Variants in SUGCT observed in about 807,000 individuals in gnomAD.
SUGCT encodes the protein succinyl-CoA:glutarate-CoA transferase, also known as succinyl-CoA:glutarate CoA-transferase.
SUGCT carries 41 observed loss-of-function variants against 55.0 expected under a neutral mutation model. The ratio of observed to expected loss-of-function variants is 0.74; its 90% CI spans 0.58 to 0.97. SUGCT has a LOEUF of 0.97. Among genes scored for constraint, SUGCT ranks in the 50% least tolerant of loss-of-function variants. The pLI is 0.00. For missense variants in SUGCT, 568 were observed against 547.8 expected, an observed-to-expected ratio of 1.04 and a Z score of -0.37; for synonymous variants, 187 against 200.4, an observed-to-expected ratio of 0.93 and a Z score of 0.56.
intron 12 of SUGCT, among the ~76,000 whole-genome samples, chr7:40,510,037 T>C (rs921610477): frequency 6.6e-5 from 10 of 152,154 alleles, no homozygotes; most frequent in African/African-American, 2.4e-4. Context: ...AGTTTAGATA[T>C]TTTGTAAGTA....
chr7:40,670,927 C>G lies in SUGCT; in HGVS notation c.1090-78507C>G, dbSNP rs188892743. 1.6e-3 allele frequency among the ~76,000 whole-genome samples: 245 copies of G among 152,124 alleles called. 1 individual carries two copies. The highest frequency in any genetic ancestry group is 5.7e-3 in the African/African-American group (238 of 41,518). Reference sequence around the variant, plus strand: ...GAGCACTTCCAGTTCATTTTATGAACAGACAAGGCAGTACACAAAAGAAAG... The same window carrying G: ...GAGCACTTCCAGTTCATTTTATGAAGAGACAAGGCAGTACACAAAAGAAAG... On this transcript the variant is annotated intron_variant, in intron 12 of 13. Coordinates refer to ENST00000335693, the MANE Select transcript of SUGCT (RefSeq NM_001193313.2).
At chr7:40,856,828 T>C (rs1251585583) in intron 13 of SUGCT, among the ~76,000 whole-genome samples, 1 of 152,228 alleles carries the variant, frequency 6.6e-6, no homozygotes, top group African/African-American at 2.4e-5. Context: ...CCAGAAGGAT[T>C]GCACCAATTT....
chr7:40,264,648 T>C (rs143171460), intron 7 of SUGCT, among the ~76,000 whole-genome samples: 616 of 152,336 alleles, frequency 4.0e-3, no homozygotes, highest in Non-Finnish European at 6.8e-3. Flanking sequence ...GTCATGAGAA[T>C]AGTGGTTTTA....
At chr7:40,884,207 T>C in the SUGCT span, among the ~76,000 whole-genome samples, 1 of 152,224 alleles carries the variant, frequency 6.6e-6, no homozygotes, top group Non-Finnish European at 1.5e-5. Context: ...AATAGGAAAC[T>C]GCTACCTGGC....
chr7:40,480,028 T>C (rs1293532325), intron 11 of SUGCT, among the ~76,000 whole-genome samples: 1 of 152,176 alleles, frequency 6.6e-6, no homozygotes, highest in Non-Finnish European at 1.5e-5. Context: ...TTTGATATAA[T>C]CTCATTTGTC....
chr7:40,548,081 A>G (rs1056230591), intron 12 of SUGCT, among the ~76,000 whole-genome samples: 4 of 151,258 alleles, frequency 2.6e-5, no homozygotes, highest in African/African-American at 9.7e-5. Flanking sequence ...CAAGTATTTC[A>G]TTTAGTGACC....
At chr7:40,662,679 C>T (rs1460914952) in intron 12 of SUGCT, among the ~76,000 whole-genome samples, 1 of 152,190 alleles carries the variant, frequency 6.6e-6, no homozygotes, top group East Asian at 1.9e-4. Flanking sequence ...TATACTGCCT[C>T]CTCAAGAAAT....
intron 8 of SUGCT, among the ~76,000 whole-genome samples, chr7:40,278,391 A>G (rs1792685559): frequency 6.6e-6 from 1 of 152,350 alleles, no homozygotes; most frequent in East Asian, 1.9e-4. Flanking sequence ...ATCTAGGACT[A>G]GAAATACCAT....
chr7:40,155,112 C>T (rs1156244429), intron 1 of SUGCT, among the ~76,000 whole-genome samples: 4 of 152,090 alleles, frequency 2.6e-5, no homozygotes. Flanking sequence ...ATGGGAAACC[C>T]CGTCTCTACT....
the SUGCT span, among the ~76,000 whole-genome samples, chr7:41,019,248 T>C: frequency 4.3e-4 from 65 of 152,326 alleles, no homozygotes; most frequent in African/African-American, 1.5e-3. Flanking sequence ...AGTTGTTGGA[T>C]CCAGGTGTAT....
chr7:40,793,686 C>G (rs778732451), intron 13 of SUGCT, among the ~76,000 whole-genome samples: 1 of 152,048 alleles, frequency 6.6e-6, no homozygotes, highest in Non-Finnish European at 1.5e-5. Context: ...CTTTTTGAAT[C>G]TGAGAAGTCA....
At chr7:40,756,515 T>C (rs919773335) in intron 13 of SUGCT, among the ~76,000 whole-genome samples, 1 of 152,196 alleles carries the variant, frequency 6.6e-6, no homozygotes, top group African/African-American at 2.4e-5. Flanking sequence ...CCCCTGTTAC[T>C]TTTAGCTTTT....
chr7:40,460,966 G>A (rs929379175), intron 11 of SUGCT, among the ~76,000 whole-genome samples: 5 of 152,146 alleles, frequency 3.3e-5, no homozygotes, highest in Non-Finnish European at 2.9e-5. Flanking sequence ...TGGTACTGCC[G>A]TTAAAACACA....
At chr7:40,387,983 A>G (rs1311504843) in intron 9 of SUGCT, 5 of 152,202 alleles carry the variant, frequency 3.3e-5, no homozygotes, top group Non-Finnish European at 5.9e-5. Flanking sequence ...TTTGGAAGGA[A>G]GTATCCTCTC....
the SUGCT span, among the ~76,000 whole-genome samples, chr7:40,949,792 C>A: frequency 2.6e-5 from 4 of 152,158 alleles, no homozygotes; most frequent in African/African-American, 9.7e-5. Flanking sequence ...TCTGAGGGCT[C>A]TGTTCTGTTC....
chr7:41,027,780 C>A, the SUGCT span, among the ~76,000 whole-genome samples: 1 of 152,044 alleles, frequency 6.6e-6, no homozygotes, highest in Admixed American at 6.5e-5. Context: ...TTTTAATGAT[C>A]GTCTAAAGAC....
chr7:40,259,325 T>C (rs1284698913), intron 7 of SUGCT, among the ~76,000 whole-genome samples: 1 of 152,218 alleles, frequency 6.6e-6, no homozygotes, highest in Non-Finnish European at 1.5e-5. Context: ...TGTGGAGTTT[T>C]TTCAATCAAA....
chr7:40,817,427 G>T (rs1273081990), intron 13 of SUGCT, among the ~76,000 whole-genome samples: 1 of 152,118 alleles, frequency 6.6e-6, no homozygotes, highest in Non-Finnish European at 1.5e-5. Flanking sequence ...AAGACATACT[G>T]GAGAGAAGTT....
chr7:40,763,035 A>G (rs1157396157), intron 13 of SUGCT, among the ~76,000 whole-genome samples: 1 of 151,900 alleles, frequency 6.6e-6, no homozygotes, highest in Non-Finnish European at 1.5e-5. Flanking sequence ...GAGGCTGGTC[A>G]TGAACTCCTG....
Sources: gnomAD v4.1 joint callset for allele counts (sites outside exome capture counted in the v4.1 genomes callset) on GRCh38, gnomAD v4.1.1 for gene constraint, MANE v1.5 for transcripts, NCBI Gene and HGNC (gene_info 2026-07-23, HGNC 2026-07-21) for gene names.